Variants in EEFSEC observed in about 807,000 individuals in gnomAD.
EEFSEC encodes selenocysteine-specific elongation factor.
Under a neutral mutation model 42.1 loss-of-function variants are expected in EEFSEC, and 43 were observed. The ratio of observed to expected loss-of-function variants is 1.02; its 90% CI spans 0.80 to 1.32. The LOEUF is 1.32. EEFSEC is among the 40% of genes most tolerant of loss of function. EEFSEC has a pLI of 0.00. For missense variants in EEFSEC, 745 were observed against 803.6 expected (o/e 0.93, Z 0.88); for synonymous variants, 354 against 339.1 (o/e 1.04, Z -0.48).
intron 4 of EEFSEC, among the ~76,000 whole-genome samples, chr3:128,283,833 T>A (rs955324276): frequency 6.6e-6 from 1 of 152,150 alleles, no homozygotes; most frequent in Admixed American, 6.5e-5. Context: ...AACAAAGGCA[T>A]CCACACTGGG....
intron 1 of EEFSEC, among the ~76,000 whole-genome samples, chr3:128,222,868 C>G (rs762827818): frequency 3.3e-5 from 5 of 152,084 alleles, no homozygotes; most frequent in African/African-American, 4.8e-5. Context: ...CTTCTAAAAC[C>G]CTTGGAATTT....
chr3:128,366,730 AC>A (rs995653347), intron 6 of EEFSEC, among the ~76,000 whole-genome samples: 7 of 152,050 alleles, frequency 4.6e-5, no homozygotes, highest in African/African-American at 1.2e-4. Flanking sequence ...CAGTCCCTGC[AC>A]CCCGGGAGTT....
intron 4 of EEFSEC, among the ~76,000 whole-genome samples, chr3:128,282,185 C>T (rs151334295): frequency 1.1e-3 from 169 of 152,330 alleles, no homozygotes; most frequent in African/African-American, 3.7e-3. Flanking sequence ...CTCCTGACCC[C>T]GACTTGGTCT....
chr3:128,252,766 C>T (rs2999069), intron 2 of EEFSEC, among the ~76,000 whole-genome samples: 127,812 of 152,158 alleles, frequency 0.84, 54,159 homozygotes, highest in East Asian at 0.99. Context: ...TGCTAACGAA[C>T]GTCAGCTTGC....
chr3:128,247,174 C>A, intron 2 of EEFSEC, 131 bp downstream of exon 2: 1 of 922,174 alleles, frequency 1.1e-6, no homozygotes, highest in Non-Finnish European at 1.7e-6. Flanking sequence ...CTCAACCTGG[C>A]ATTTGCTCAC....
At chr3:128,200,921 C>A (rs994951834) in intron 1 of EEFSEC, among the ~76,000 whole-genome samples, 2 of 152,158 alleles carry the variant, frequency 1.3e-5, no homozygotes, top group African/African-American at 4.8e-5. Context: ...AAGTTCCCCA[C>A]AGCCCTAGAA....
intron 1 of EEFSEC, among the ~76,000 whole-genome samples, chr3:128,186,234 G>C (rs1259389705): frequency 6.6e-6 from 1 of 152,106 alleles, no homozygotes; most frequent in Non-Finnish European, 1.5e-5. Flanking sequence ...ATCTTCTTTG[G>C]AGAAATGCCT....
chr3:128,321,390 A>C (rs1209288551), intron 4 of EEFSEC, among the ~76,000 whole-genome samples: 1 of 152,088 alleles, frequency 6.6e-6, no homozygotes, highest in African/African-American at 2.4e-5. Context: ...GCTGGCCCTC[A>C]GGGGGCAGCC....
intron 4 of EEFSEC, among the ~76,000 whole-genome samples, chr3:128,278,892 TTGCAGCCTCCAA>T (rs2066495303): frequency 6.6e-6 from 1 of 152,198 alleles, no homozygotes; most frequent in Non-Finnish European, 1.5e-5. Flanking sequence ...GCCCACCCCC[TTGCAGCCTCCAA>T]TGCTGCTGCT....
chr3:128,347,144 C>A (rs7610176), intron 5 of EEFSEC, among the ~76,000 whole-genome samples: 2,272 of 152,290 alleles, frequency 0.015, 58 homozygotes, highest in African/African-American at 0.05. Flanking sequence ...TGTGCTAACA[C>A]TGGGATGCAT....
At chr3:128,225,937 A>T (rs529562372) in intron 1 of EEFSEC, among the ~76,000 whole-genome samples, 12 of 152,312 alleles carry the variant, frequency 7.9e-5, no homozygotes, top group Admixed American at 1.3e-4. Flanking sequence ...GATGTGTCTT[A>T]TTGTCTTCTC....
chr3:128,206,557 A>T (rs1283692655), intron 1 of EEFSEC, among the ~76,000 whole-genome samples: 6 of 152,184 alleles, frequency 3.9e-5, no homozygotes, highest in Non-Finnish European at 7.3e-5. Flanking sequence ...TGAGAATAGG[A>T]CATATAAACA....
At position 128,302,115 on chromosome 3, in the gene EEFSEC, A is replaced by T. The variant is rs557678275; in HGVS notation, c.786+37334A>T. ...TCCTCCACTTCCTAGTGGATTGGTT[A>T]TAATGATAACTTTCTTGGCATGACA... On this transcript the variant is annotated intron_variant, in intron 4 of 6. Transcript: ENST00000254730. 7.2e-5 allele frequency among the ~76,000 whole-genome samples: 11 copies of T among 152,336 alleles called. 1 individual carries two copies. In the South Asian group the frequency reaches 2.3e-3, roughly 32 times the overall value.
intron 6 of EEFSEC, among the ~76,000 whole-genome samples, chr3:128,392,448 C>T (rs2067925847): frequency 6.6e-6 from 1 of 152,232 alleles, no homozygotes; most frequent in Non-Finnish European, 1.5e-5. Context: ...TCATTGTCCC[C>T]TTGTAATAGG....
chr3:128,296,501 T>C (rs1258544660), intron 4 of EEFSEC, among the ~76,000 whole-genome samples: 1 of 152,188 alleles, frequency 6.6e-6, no homozygotes, highest in African/African-American at 2.4e-5. Flanking sequence ...CTTCTACTGA[T>C]AAAGCAAACT....
intron 5 of EEFSEC, among the ~76,000 whole-genome samples, chr3:128,348,353 A>T (rs1466152102): frequency 6.6e-6 from 1 of 151,430 alleles, no homozygotes; most frequent in Non-Finnish European, 1.5e-5. Context: ...CATTTGATTA[A>T]GGCTGTTTCT....
chr3:128,235,942 GT>G (rs1330401528), intron 1 of EEFSEC, among the ~76,000 whole-genome samples: 5 of 14,136 alleles, frequency 3.5e-4, no homozygotes, highest in East Asian at 0.059. Context: ...ATGGGCAAAG[GT>G]TTGTTTGTTT....
At chr3:128,297,649 A>C (rs1324087243) in intron 4 of EEFSEC, among the ~76,000 whole-genome samples, 1 of 152,236 alleles carries the variant, frequency 6.6e-6, no homozygotes, top group Admixed American at 6.5e-5. Context: ...GGGCTCCAGC[A>C]GAGCTTTGAG....
At chr3:128,353,523 G>T (rs1321114097) in intron 5 of EEFSEC, among the ~76,000 whole-genome samples, 1 of 152,218 alleles carries the variant, frequency 6.6e-6, no homozygotes, top group Non-Finnish European at 1.5e-5. Flanking sequence ...ATTGTCTTCT[G>T]CAATGACTTG....
Sources: gnomAD v4.1 joint callset for allele counts (sites outside exome capture counted in the v4.1 genomes callset) on GRCh38, gnomAD v4.1.1 for gene constraint, MANE v1.5 for transcripts, NCBI Gene and HGNC (gene_info 2026-07-23, HGNC 2026-07-21) for gene names.